Variants in ASB2 observed in about 807,000 individuals in gnomAD.
The protein encoded by ASB2 is ankyrin repeat and SOCS box containing 2, also known as ankyrin repeat and SOCS box protein 2.
Under a neutral mutation model 62.4 loss-of-function variants are expected in ASB2, and 58 were observed. The ratio of observed to expected loss-of-function variants is 0.93; its 90% CI spans 0.75 to 1.16. ASB2 has a LOEUF of 1.16. Ranked by LOEUF, ASB2 falls within the 50% of genes most tolerant of loss-of-function variation. The pLI, the probability that ASB2 is intolerant of heterozygous loss-of-function variation, is 0.00. For missense variants in ASB2, 928 were observed against 887.9 expected (o/e 1.05, Z -0.57); for synonymous variants, 386 against 385.3 (o/e 1.00, Z -0.02).
chr14:93,944,190 G>A, intron 7 of ASB2: 1 of 350,440 alleles, frequency 2.9e-6, no homozygotes, highest in Non-Finnish European at 5.6e-6. Flanking sequence ...GCCAAGGTTG[G>A]ACACTACTGT....
Position 93,939,421 on chromosome 14 carries a change from G to A in ASB2, c.1304C>T (p.Ala435Val), listed in dbSNP as rs1459795534. The A allele has an allele frequency of 6.2e-7, 1 of 1,612,824 alleles. No individual in the cohort carries two copies. The highest frequency in any genetic ancestry group is 1.7e-5 in the Admixed American group (1 of 60,006). Residue 435 changes from alanine (A) to valine (V), a missense_variant, in exon 8 of 10, where the codon GCC (alanine) becomes GTC (valine). Transcript: ENST00000555019. ...YATELLLQHG[A>V]DPNRDVISPL... ...GCTGATGACGTCGCGGTTGGGGTCGGCGCCGTGTTGCAGCAGCAGCTCGGT... is the reference window on the plus strand; with the variant it reads ...GCTGATGACGTCGCGGTTGGGGTCGACGCCGTGTTGCAGCAGCAGCTCGGT...
At chr14:93,953,146 A>G (rs748308677) in intron 5 of ASB2, among the ~76,000 whole-genome samples, 1 of 152,246 alleles carries the variant, frequency 6.6e-6, no homozygotes, top group South Asian at 2.1e-4. Context: ...CCAAGCCCTC[A>G]GTGTCCCTCA....
chr14:93,953,422 G>C lies in ASB2; in HGVS notation c.564C>G (p.Leu188=). The C allele has an allele frequency of 1.2e-6, 2 of 1,608,946 alleles. No individual in the cohort carries two copies. Among genetic ancestry groups the C allele is most frequent in the Non-Finnish European group, 1.7e-6 (2 of 1,175,896 alleles). The stretch of plus-strand genomic sequence containing the variant: ...CTGCCCCTGCTTGGAGCAGTGACAG[G>C]AGACAGTCCAGGTGGCCCCTGCACG... ...LATCRGHLDC[L]LSLLQAGAEP... is the part of the protein sequence containing the mutation. The change falls in exon 5 of 10, where the codon CTC becomes CTG. Residue 188 remains leucine, a synonymous_variant. Transcript: ENST00000555019.
chr14:93,955,473 C>T (rs912552223), intron 3 of ASB2: 13 of 206,548 alleles, frequency 6.3e-5, no homozygotes, highest in Admixed American at 2.1e-4. Flanking sequence ...GCCACCTTGA[C>T]GAGTTCCACT....
chr14:93,947,447 C>G lies in ASB2; in HGVS notation c.954G>C (p.Glu318Asp), dbSNP rs1366761323. ...LYEACKNEHEEVVEFLLSQGA... is the reference protein window; with the variant it reads ...LYEACKNEHEDVVEFLLSQGA... ...CCTGTGACAGCAGAAACTCCACCAC[C>G]TCCTCATGCTCATTCTTGCAGGCCT... is the stretch of plus-strand genomic sequence containing the variant. The change falls in exon 7 of 10, where the codon GAG becomes GAC. Residue 318 changes from glutamate (E) to aspartate (D), a missense_variant. Glu to Asp is a conservative substitution (Grantham distance 45, BLOSUM62 2). Transcript: ENST00000555019. The G allele has an allele frequency of 5.0e-6, 8 of 1,614,250 alleles. No individual in the cohort carries two copies. Among genetic ancestry groups the G allele is most frequent in the Non-Finnish European group, 6.8e-6 (8 of 1,180,044 alleles).
Position 93,953,466 on chromosome 14 carries a change from T to A in ASB2, c.520A>T (p.Thr174Ser). 1 of 1,608,120 alleles carries A rather than the reference T, an allele frequency of 6.2e-7. No individual in the cohort carries two copies. The highest frequency in any genetic ancestry group is 8.5e-7 in the Non-Finnish European group (1 of 1,175,288). Reference sequence around the variant, plus strand: ...CTGCACGTTGCCAAGTAAACGGCTGTTTCCTCCTGCAGGGTGCGCTGGTCG... The same window carrying A: ...CTGCACGTTGCCAAGTAAACGGCTGATTCCTCCTGCAGGGTGCGCTGGTCG... Reference protein sequence around the residue: ...TIDQRTLQEETAVYLATCRGH... With the variant: ...TIDQRTLQEESAVYLATCRGH... Residue 174 changes from threonine to serine, a missense_variant, in exon 5 of 10, where the codon ACA becomes TCA. Thr to Ser is a moderately conservative substitution (Grantham distance 58). Coordinates refer to ENST00000555019, the MANE Select transcript of ASB2 (RefSeq NM_001202429.2).
chr14:93,949,289 G>A (rs767600142), intron 6 of ASB2, among the ~76,000 whole-genome samples: 2 of 152,194 alleles, frequency 1.3e-5, no homozygotes, highest in African/African-American at 2.4e-5. Context: ...CTGATCCAGC[G>A]GAAACAGCAC....
intron 2 of ASB2, among the ~76,000 whole-genome samples, chr14:93,962,525 A>G (rs1889450064): frequency 6.6e-6 from 1 of 152,056 alleles, no homozygotes; most frequent in Admixed American, 6.5e-5. Context: ...TGGACCTCAG[A>G]TGAGGGCTGC....
intron 1 of ASB2, among the ~76,000 whole-genome samples, chr14:93,975,647 C>G (rs997296476): frequency 6.6e-6 from 1 of 152,172 alleles, no homozygotes; most frequent in Non-Finnish European, 1.5e-5. Context: ...CCCCTTCTAG[C>G]CTCACCCCCA....
At position 93,957,350 on chromosome 14, in the gene ASB2, G is replaced by GC. The variant is rs902250744; in HGVS notation, c.207-481dup. 11 of 1,027,708 alleles carry GC rather than the reference G, an allele frequency of 1.1e-5. No homozygotes were observed. The African/African-American group carries it at 1.7e-4, about 16-fold the overall frequency. The allele number at this position is 1,027,708 out of a possible 1,614,324, so 63.7% of individuals were successfully genotyped here. A position where few individuals can be genotyped will look rare whatever the true frequency, so the allele number is the denominator to read the frequency against. ...AGCTGAGAAGCCAAGCTGTACCTGT[G>GC]CCCCCCACGCCCACCTGCCAGCTCA... On this transcript the variant is annotated intron_variant, in intron 2 of 9. Transcript: ENST00000555019.
Position 93,951,060 on chromosome 14 carries a change from G to A in ASB2, c.819C>T (p.Thr273=). 3 of 1,614,194 alleles carry A rather than the reference G, an allele frequency of 1.9e-6. No individual in the cohort carries two copies. Among genetic ancestry groups the A allele is most frequent in the Non-Finnish European group, 2.5e-6 (3 of 1,180,040 alleles). ...KVESKNAYGI[T]PLFVAAQSGQ... Reference sequence around the variant, plus strand: ...CACTCTGGGCGGCCACGAACAAGGGGGTGATGCCGTAGGCGTTCTTGGATT... The same window carrying A: ...CACTCTGGGCGGCCACGAACAAGGGAGTGATGCCGTAGGCGTTCTTGGATT... Residue 273 remains threonine, a synonymous_variant, in exon 6 of 10, where the codon ACC becomes ACT. Transcript: ENST00000555019.
At chr14:93,939,018 C>G in intron 8 of ASB2, 90 bp downstream of exon 8, 1 of 1,209,966 alleles carries the variant, frequency 8.3e-7, no homozygotes. Flanking sequence ...GGAGCGCGAA[C>G]CACCCGGCCC....
At chr14:93,945,531 C>T (rs1206419820) in intron 7 of ASB2, among the ~76,000 whole-genome samples, 2 of 152,180 alleles carry the variant, frequency 1.3e-5, no homozygotes, top group South Asian at 4.1e-4. Context: ...CCCCATGAGG[C>T]GGGTGTAACC....
In ASB2 at chr14:93,939,214, G is replaced by C; in HGVS notation, c.1511C>G (p.Pro504Arg). The C allele has an allele frequency of 6.2e-7, 1 of 1,607,500 alleles. No individual in the cohort carries two copies. Among genetic ancestry groups the C allele is most frequent in the Non-Finnish European group, 8.5e-7 (1 of 1,175,708 alleles). ...GTTGCCGTAGAGGCATGAGAAGCAG[G>C]GCTCGCCGTCGCAGCCCAGGTCCAT... Reference protein sequence around the residue: ...FLMDLGCDGEPCFSCLYGNGP... With the variant: ...FLMDLGCDGERCFSCLYGNGP... Residue 504 changes from proline to arginine, a missense_variant, in exon 8 of 10, where the codon CCC (proline) becomes CGC (arginine). Pro to Arg is a moderately radical substitution (Grantham distance 103). Coordinates refer to ENST00000555019, the MANE Select transcript of ASB2 (RefSeq NM_001202429.2).
intron 2 of ASB2, chr14:93,957,279 G>T (rs1047331380): frequency 2.7e-6 from 3 of 1,131,570 alleles, no homozygotes; most frequent in Non-Finnish European, 3.3e-6. Context: ...AGATCCCTGC[G>T]GGGCTGGATG....
intron 7 of ASB2, among the ~76,000 whole-genome samples, chr14:93,945,188 T>C (rs984681447): frequency 2.0e-5 from 3 of 152,116 alleles, no homozygotes; most frequent in African/African-American, 4.8e-5. Flanking sequence ...CAGGCTAGAA[T>C]TGGGGGGCAG....
chr14:93,943,744 C>A, intron 7 of ASB2: 1 of 335,320 alleles, frequency 3.0e-6, no homozygotes. Flanking sequence ...CACTGTGCCA[C>A]CCTGACTTGT....
intron 8 of ASB2, among the ~76,000 whole-genome samples, chr14:93,938,665 T>C (rs537301591): frequency 2.0e-5 from 3 of 152,274 alleles, no homozygotes; most frequent in East Asian, 1.9e-4. Flanking sequence ...TTGTTTCACA[T>C]CGCATTCCAG....
At chr14:93,957,301 G>T in intron 2 of ASB2, 1 of 1,093,054 alleles carries the variant, frequency 9.1e-7, no homozygotes, top group Non-Finnish European at 1.1e-6. Context: ...GAGATTCATG[G>T]CAAAGCAGAG....
Sources: allele counts gnomAD v4.1 joint callset (sites outside exome capture counted in the v4.1 genomes callset), GRCh38; gene constraint gnomAD v4.1.1; transcripts MANE v1.5; gene names NCBI Gene and HGNC (gene_info 2026-07-23, HGNC 2026-07-21).